The following C2orf72 variants were observed in gnomAD, a reference collection of about 807,000 sequenced individuals.
C2orf72 encodes uncharacterized protein C2orf72.
In C2orf72, 16 loss-of-function variants were observed where a neutral mutation model predicts 14.4. That is an observed-to-expected ratio of 1.11 (90% confidence interval 0.75 to 1.69). The LOEUF is 1.69. C2orf72 is among the 40% of genes most tolerant of loss of function. The probability of loss-of-function intolerance (pLI) is 0.00; values close to 1 mark genes in which losing one functional copy is unlikely to be tolerated. For synonymous variants in C2orf72, 168 were observed against 176.8 expected (o/e 0.95, Z 0.40); for missense variants, 371 against 358.3 (o/e 1.04, Z -0.29).
rs762731219 is a variant in C2orf72 at position 231,046,951 on chromosome 2, T to C, written c.818T>C (p.Leu273Pro). ...AIFPNGDCDD[L>P]GRGSKACDGV... Reference sequence around the variant, plus strand: ...TTTCCCAATGGAGACTGTGATGACCTTGGAAGGGGGTCAAAAGCCTGTGAT... The same window carrying C: ...TTTCCCAATGGAGACTGTGATGACCCTGGAAGGGGGTCAAAAGCCTGTGAT... Residue 273 changes from leucine (L) to proline (P), a missense_variant, in exon 3 of 3, where the codon CTT becomes CCT. Leu to Pro is a moderately conservative substitution (Grantham distance 98, BLOSUM62 -3). This residue lies in a region of C2orf72 where 145 missense variants were observed against 149.4 expected (regional missense o/e 0.97). Coordinates refer to ENST00000373640, the MANE Select transcript of C2orf72 (RefSeq NM_001144994.2). 4 of 1,551,444 alleles carry C rather than the reference T, an allele frequency of 2.6e-6. No individual in the cohort carries two copies. In the African/African-American group the frequency reaches 5.5e-5, roughly 21 times the overall value.
At chr2:231,045,001 A>G (rs541851568) in intron 2 of C2orf72, among the ~76,000 whole-genome samples, 40 of 150,594 alleles carry the variant, frequency 2.7e-4, no homozygotes, top group South Asian at 8.4e-4. Context: ...AGTACACTCT[A>G]AAATAATGTT....
At chr2:231,039,593 C>T (rs991992938) in intron 1 of C2orf72, among the ~76,000 whole-genome samples, 4 of 152,142 alleles carry the variant, frequency 2.6e-5, no homozygotes, top group African/African-American at 4.8e-5. Context: ...CCTGGGCGAG[C>T]GCGCCTGCCC....
Position 231,049,480 on chromosome 2 carries a change from G to A in C2orf72, c.*2459G>A, listed in dbSNP as rs991051105. The A allele has an allele frequency of 1.3e-5, 2 of 152,238 alleles. No individual in the cohort carries two copies. The highest frequency in any genetic ancestry group is 1.3e-4 in the Admixed American group (2 of 15,278). The allele number at this position is 152,238 out of a possible 1,614,324, so 9.4% of individuals were successfully genotyped here. A position where few individuals can be genotyped will look rare whatever the true frequency, so the allele number is the denominator to read the frequency against. On this transcript the variant is annotated 3_prime_UTR_variant, in exon 3 of 3. Transcript: ENST00000373640. Reference sequence around the variant, plus strand: ...TTGATGGTGGGTCCCCTCCCTGAAGGACTTTAAGAAGGCATAAAGGGGTTG... The same window carrying A: ...TTGATGGTGGGTCCCCTCCCTGAAGAACTTTAAGAAGGCATAAAGGGGTTG...
intron 1 of C2orf72, 54 bp downstream of exon 1, chr2:231,038,253 C>G: frequency 8.6e-7 from 1 of 1,160,050 alleles, no homozygotes; most frequent in East Asian, 3.8e-5. Flanking sequence ...TCGGGCACGT[C>G]CCCCAAGTTG....
chr2:231,037,962 C>T lies in C2orf72; in HGVS notation c.397C>T (p.Arg133Cys). 9.8e-7 allele frequency: 1 copy of T among 1,018,086 alleles called. No individual in the cohort carries two copies. The highest frequency in any genetic ancestry group is 1.2e-6 in the Non-Finnish European group (1 of 857,776). The allele number at this position is 1,018,086 out of a possible 1,614,324, so 63.1% of individuals were successfully genotyped here. A position where few individuals can be genotyped will look rare whatever the true frequency, so the allele number is the denominator to read the frequency against. The change falls in exon 1 of 3, where the codon CGC becomes TGC. Residue 133 changes from arginine (R) to cysteine (C), a missense_variant. Transcript: ENST00000373640. ...CCTGCGGGAGATGCTGCGGGACGTG[C>T]GCGGCCGGCGGCGGGCCGGGGCGGC... ...RRLREMLRDVRGRRRAGAALV... is the reference protein window; with the variant it reads ...RRLREMLRDVCGRRRAGAALV...
chr2:231,037,858 C>T lies in C2orf72; in HGVS notation c.293C>T (p.Ala98Val). The change falls in exon 1 of 3, where the codon GCG (alanine) becomes GTG (valine). Residue 98 changes from alanine to valine, a missense_variant. Coordinates refer to ENST00000373640, the MANE Select transcript of C2orf72 (RefSeq NM_001144994.2). ...AAGAAGAAAA[A>V]ARAIRSPLVF... ...GGGGCGGCGGGGGCGGCGGCGGCGG[C>T]GGCGCGCGCCATCCGCTCGCCGCTG... 2 of 978,634 alleles carry T rather than the reference C, an allele frequency of 2.0e-6. No homozygotes were observed. Among genetic ancestry groups the T allele is most frequent in the Non-Finnish European group, 2.4e-6 (2 of 827,360 alleles). 60.6% of individuals were successfully genotyped at this position (978,634 alleles called of 1,614,324 possible).
chr2:231,047,344 G>A lies in C2orf72; in HGVS notation c.*323G>A. The A allele has an allele frequency of 2.4e-6, 1 of 416,150 alleles. No individual in the cohort carries two copies. The highest frequency in any genetic ancestry group is 2.0e-5 in the South Asian group (1 of 50,866). The allele number at this position is 416,150 out of a possible 1,614,324, so 25.8% of individuals were successfully genotyped here. ...CTCTGCAGAGCTGTGGCACCCCATG[G>A]TGTGTCTGCAGTGTTCTGGGCACAT... On this transcript the variant is annotated 3_prime_UTR_variant, in exon 3 of 3. Coordinates refer to ENST00000373640, the MANE Select transcript of C2orf72 (RefSeq NM_001144994.2).
At position 231,038,096 on chromosome 2, in the gene C2orf72, G is replaced by GC. The variant is rs1011268538; in HGVS notation, c.534dup (p.Val179ArgfsTer78). 18 of 1,151,948 alleles carry GC rather than the reference G, an allele frequency of 1.6e-5. No homozygotes were observed. The highest frequency in any genetic ancestry group is 1.8e-5 in the Non-Finnish European group (17 of 937,082). The allele number at this position is 1,151,948 out of a possible 1,614,324, so 71.4% of individuals were successfully genotyped here. Reference sequence around the variant, plus strand: ...CCGTGTTCGGCCGCCAGGCGGGGGGGCCCGTGCAGGCGGCCGCCTACTGCC... The same window carrying GC: ...CCGTGTTCGGCCGCCAGGCGGGGGGGCCCCGTGCAGGCGGCCGCCTACTGCC... On this transcript the variant is annotated frameshift_variant, in exon 1 of 3. Coordinates refer to ENST00000373640, the MANE Select transcript of C2orf72 (RefSeq NM_001144994.2). LOFTEE classifies it high-confidence loss of function.
intron 1 of C2orf72, 95 bp from the exon 2 acceptor site, chr2:231,041,201 G>T: frequency 1.2e-6 from 1 of 851,072 alleles, no homozygotes; most frequent in African/African-American, 1.7e-5. Flanking sequence ...TAGGGCAGTT[G>T]ACCGTTGGGG....
In C2orf72 at chr2:231,041,312, G is replaced by A. The variant is rs189363931; in HGVS notation, c.651G>A (p.Glu217=). 2.6e-5 allele frequency: 40 copies of A among 1,550,716 alleles called. No individual in the cohort carries two copies. In the East Asian group the frequency reaches 9.8e-4, roughly 38 times the overall value. ...GAGQPVEGAW[E]RPGLPGLLAC... ...TCTTCCTAGTGGAAGGAGCCTGGGAGAGGCCAGGCCTCCCCGGACTGCTAG... is the reference window on the plus strand; with the variant it reads ...TCTTCCTAGTGGAAGGAGCCTGGGAAAGGCCAGGCCTCCCCGGACTGCTAG... The change falls in exon 2 of 3, where the codon GAG becomes GAA. Residue 217 remains glutamate (E), a synonymous_variant. Coordinates refer to ENST00000373640, the MANE Select transcript of C2orf72 (RefSeq NM_001144994.2).
In C2orf72 at chr2:231,037,924, A is replaced by T; in HGVS notation, c.359A>T (p.Glu120Val). The T allele has an allele frequency of 9.7e-7, 1 of 1,026,362 alleles. No individual in the cohort carries two copies. Among genetic ancestry groups the T allele is most frequent in the Non-Finnish European group, 1.2e-6 (1 of 859,310 alleles). 63.6% of individuals were successfully genotyped at this position (1,026,362 alleles called of 1,614,324 possible). Residue 120 changes from glutamate (E) to valine (V), a missense_variant, in exon 1 of 3, where the codon GAG becomes GTG. This residue lies in a region of C2orf72 where 214 missense variants were observed against 178.7 expected (regional missense o/e 1.20). Coordinates refer to ENST00000373640, the MANE Select transcript of C2orf72 (RefSeq NM_001144994.2). The part of the protein sequence containing the change: ...LCRASSLAAR[E>V]PRRRLREMLR... Reference sequence around the variant, plus strand: ...CGCGCGTCGTCGCTGGCCGCCCGGGAGCCGCGGCGCCGCCTGCGGGAGATG... The same window carrying T: ...CGCGCGTCGTCGCTGGCCGCCCGGGTGCCGCGGCGCCGCCTGCGGGAGATG...
chr2:231,043,822 A>G (rs1444839995), intron 2 of C2orf72, among the ~76,000 whole-genome samples: 1 of 152,256 alleles, frequency 6.6e-6, no homozygotes, highest in Non-Finnish European at 1.5e-5. Flanking sequence ...AATTACATGC[A>G]TTTATACAAT....
chr2:231,037,655 C>T lies in C2orf72; in HGVS notation c.90C>T (p.Arg30=). 8.9e-7 allele frequency: 1 copy of T among 1,118,004 alleles called. No homozygotes were observed. Among genetic ancestry groups the T allele is most frequent in the Admixed American group, 4.7e-5 (1 of 21,272 alleles). 69.3% of individuals were successfully genotyped at this position (1,118,004 alleles called of 1,614,324 possible). ...CGTTGGTGGAAGCGGCGGGGGGCCG[C>T]GGGCAGGTGCTGCTGGTGGGCGAGC... ...FQALVEAAGG[R]GQVLLVGELW... Residue 30 remains arginine, a synonymous_variant, in exon 1 of 3, where the codon CGC becomes CGT. Coordinates refer to ENST00000373640, the MANE Select transcript of C2orf72 (RefSeq NM_001144994.2).
In C2orf72 at chr2:231,037,839, G is replaced by A. The variant is rs1268849606; in HGVS notation, c.274G>A (p.Ala92Thr). ...AQRAARAAGA[A>T]GAAAAAARAI... ...GAGGGCGGCGAGGGCGGCTGGGGCG[G>A]CGGGGGCGGCGGCGGCGGCGGCGCG... The change falls in exon 1 of 3, where the codon GCG becomes ACG. Residue 92 changes from alanine to threonine, a missense_variant. Coordinates refer to ENST00000373640, the MANE Select transcript of C2orf72 (RefSeq NM_001144994.2). 1.0e-6 allele frequency: 1 copy of A among 979,434 alleles called. No individual in the cohort carries two copies. The highest frequency in any genetic ancestry group is 1.8e-5 in the African/African-American group (1 of 56,378). 60.7% of individuals were successfully genotyped at this position (979,434 alleles called of 1,614,324 possible).
chr2:231,044,937 A>ATATCTATATC (rs1418141754), intron 2 of C2orf72, among the ~76,000 whole-genome samples: 1 of 120,378 alleles, frequency 8.3e-6, no homozygotes, highest in African/African-American at 4.5e-5. Context: ...GTGTGTGTAT[A>ATATCTATATC]TATATCTTTA....
intron 2 of C2orf72, among the ~76,000 whole-genome samples, chr2:231,046,375 C>A (rs1205785363): frequency 7.1e-6 from 1 of 141,718 alleles, no homozygotes; most frequent in East Asian, 2.2e-4. Flanking sequence ...GTCTTTAATA[C>A]CTGAATCCCA....
chr2:231,044,441 G>A (rs1259764953), intron 2 of C2orf72, among the ~76,000 whole-genome samples: 1 of 152,050 alleles, frequency 6.6e-6, no homozygotes, highest in African/African-American at 2.4e-5. Flanking sequence ...CCAAGAGTTC[G>A]AGGCTACAGT....
intron 1 of C2orf72, among the ~76,000 whole-genome samples, chr2:231,039,706 G>A (rs1468342200): frequency 1.3e-5 from 2 of 151,942 alleles, no homozygotes; most frequent in Non-Finnish European, 2.9e-5. Flanking sequence ...ATAGAAAGAA[G>A]GGAATTCACA....
Position 231,048,135 on chromosome 2 carries a change from G to A in C2orf72, c.*1114G>A, listed in dbSNP as rs936945400. 7.9e-5 allele frequency: 12 copies of A among 152,218 alleles called. No homozygotes were observed. The highest frequency in any genetic ancestry group is 4.6e-4 in the Admixed American group (7 of 15,288). 9.4% of individuals were successfully genotyped at this position (152,218 alleles called of 1,614,324 possible). On this transcript the variant is annotated 3_prime_UTR_variant, in exon 3 of 3. Transcript: ENST00000373640. ...CCGTGAGTCTGACAGAATCGATGAT[G>A]TTCCCTTAGAGCTGGGAAATCCATG...
Sources: allele counts gnomAD v4.1 joint callset (sites outside exome capture counted in the v4.1 genomes callset), GRCh38; gene constraint gnomAD v4.1.1; regional missense constraint gnomAD v4.1.1; transcripts MANE v1.5; gene names NCBI Gene and HGNC (gene_info 2026-07-23, HGNC 2026-07-21).